DSCC1: variants seen among roughly 807,000 people sequenced by gnomAD.
The protein encoded by DSCC1 is DNA replication and sister chromatid cohesion 1, also known as sister chromatid cohesion protein DCC1.
DSCC1 carries 32 observed loss-of-function variants against 48.2 expected under a neutral mutation model. The ratio of observed to expected loss-of-function variants is 0.66; its 90% CI spans 0.50 to 0.89. The LOEUF (loss-of-function observed/expected upper bound fraction) is 0.89, where lower values mean the gene tolerates loss of function less well. Ranked by LOEUF, DSCC1 falls within the 40% of genes least tolerant of loss-of-function variation. DSCC1 has a pLI of 0.00. For synonymous variants in DSCC1, 150 were observed against 171.5 expected (o/e 0.87, Z 0.98); for missense variants, 421 against 471.7 (o/e 0.89, Z 1.00).
At chr8:119,848,125 G>A (rs541631485) in intron 3 of DSCC1, among the ~76,000 whole-genome samples, 2 of 152,106 alleles carry the variant, frequency 1.3e-5, no homozygotes, top group Admixed American at 6.6e-5. Context: ...GCCAGCCCCA[G>A]CTAATTTTTA....
At chr8:119,849,402 G>A (rs544011178) in intron 3 of DSCC1, among the ~76,000 whole-genome samples, 11 of 152,130 alleles carry the variant, frequency 7.2e-5, no homozygotes, top group Non-Finnish European at 1.2e-4. Flanking sequence ...GCAAAACTCC[G>A]TCTGCAAACA....
chr8:119,839,662 C>T (rs536502834), intron 7 of DSCC1: 1 of 152,308 alleles, frequency 6.6e-6, no homozygotes, highest in Non-Finnish European at 1.5e-5. Context: ...CACTCAGTGG[C>T]CTCAAAGAGC....
rs1423016390 is a variant in DSCC1 at position 119,834,998 on chromosome 8, A to G, written c.1077T>C (p.Asp359=). 1 of 1,572,692 alleles carries G rather than the reference A, an allele frequency of 6.4e-7. No individual in the cohort carries two copies. ...CTATGGTTTGCTTCTCTCCACACAA[A>G]TCTCTGTAGGAACAATAAAAAATAT... The part of the protein sequence containing the change: ...TEEDIAPYIQ[D]LCGEKQTIGA... Residue 359 remains aspartate (D), a synonymous_variant, in exon 9 of 9, where the codon GAT becomes GAC. Coordinates refer to ENST00000313655, the MANE Select transcript of DSCC1 (RefSeq NM_024094.3).
chr8:119,847,159 A>G (rs1490090877), intron 3 of DSCC1, 79 bp from the exon 4 acceptor site: 15 of 1,230,482 alleles, frequency 1.2e-5, no homozygotes. Flanking sequence ...TGAGGAATAA[A>G]TACATAGAAC....
At chr8:119,845,925 G>C (rs1432889473) in intron 4 of DSCC1, among the ~76,000 whole-genome samples, 2 of 152,018 alleles carry the variant, frequency 1.3e-5, no homozygotes, top group East Asian at 3.9e-4. Context: ...CTCCAGCCTG[G>C]GTGACAGAGT....
intron 8 of DSCC1, among the ~76,000 whole-genome samples, chr8:119,837,701 G>A (rs911811108): frequency 6.6e-6 from 1 of 152,190 alleles, no homozygotes; most frequent in Non-Finnish European, 1.5e-5. Context: ...TATGGCAAGA[G>A]GGAGAGAGGG....
chr8:119,850,376 T>C lies in DSCC1; in HGVS notation c.486+6A>G. The C allele has an allele frequency of 1.3e-6, 2 of 1,553,688 alleles. No individual in the cohort carries two copies. Among genetic ancestry groups the C allele is most frequent in the Non-Finnish European group, 1.7e-6 (2 of 1,159,372 alleles). Reference sequence around the variant, plus strand: ...TTCCAAATAAAAAAGTGAAAATAAGTCTTACTTTTGAGCTATTTGAATCCT... The same window carrying C: ...TTCCAAATAAAAAAGTGAAAATAAGCCTTACTTTTGAGCTATTTGAATCCT... On this transcript the variant is annotated splice_donor_region_variant and intron_variant, in intron 3 of 8. Transcript: ENST00000313655.
chr8:119,851,471 C>G (rs1826942800), intron 2 of DSCC1, among the ~76,000 whole-genome samples: 1 of 152,170 alleles, frequency 6.6e-6, no homozygotes, highest in Non-Finnish European at 1.5e-5. Flanking sequence ...CTGGCTACGT[C>G]CAATACACAG....
chr8:119,855,669 A>C lies in DSCC1; in HGVS notation c.127T>G (p.Phe43Val). ...PGASGAAAGD[F>V]CLLELEPTLC... ...GTGGGCTCCAGCTCCAGCAGGCAGAAGTCGCCGGCTGCAGCGCCGCTGGCC... is the reference window on the plus strand; with the variant it reads ...GTGGGCTCCAGCTCCAGCAGGCAGACGTCGCCGGCTGCAGCGCCGCTGGCC... The change falls in exon 1 of 9, where the codon TTC becomes GTC. Residue 43 changes from phenylalanine to valine, a missense_variant. Phe to Val is a conservative substitution (Grantham distance 50). Transcript: ENST00000313655. 6.5e-7 allele frequency: 1 copy of C among 1,550,106 alleles called. No individual in the cohort carries two copies. The highest frequency in any genetic ancestry group is 8.7e-7 in the Non-Finnish European group (1 of 1,147,642).
In DSCC1 at chr8:119,850,410, T is replaced by C; in HGVS notation, c.458A>G (p.Gln153Arg). 1 of 1,593,456 alleles carries C rather than the reference T, an allele frequency of 6.3e-7. No homozygotes were observed. The change falls in exon 3 of 9, where the codon CAA (glutamine) becomes CGA (arginine). Residue 153 changes from glutamine to arginine, a missense_variant. Gln to Arg is a conservative substitution (Grantham distance 43). This residue lies in a region of DSCC1 where 9 missense variants were observed against 28.2 expected (regional missense o/e 0.32). Coordinates refer to ENST00000313655, the MANE Select transcript of DSCC1 (RefSeq NM_024094.3). ...TGAGCTATTTGAATCCTTCTCTTTT[T>C]GACTGTCAGGTCCTTCATATGGATT... ...MENPYEGPDS[Q>R]KEKDSNSSKY... is the part of the protein sequence containing the mutation.
chr8:119,836,468 G>A (rs1030204348), intron 8 of DSCC1, among the ~76,000 whole-genome samples: 2 of 152,018 alleles, frequency 1.3e-5, no homozygotes, highest in African/African-American at 2.4e-5. Context: ...TTCAGAGGCA[G>A]GTACAAGATG....
intron 6 of DSCC1, 53 bp downstream of exon 6, chr8:119,842,723 G>T: frequency 1.3e-6 from 2 of 1,511,800 alleles, no homozygotes; most frequent in Non-Finnish European, 1.8e-6. Flanking sequence ...CTTTAGAAAG[G>T]TATGCCAGTT....
chr8:119,852,993 C>T (rs1826962714), intron 2 of DSCC1, 54 bp downstream of exon 2: 2 of 1,436,264 alleles, frequency 1.4e-6, no homozygotes, highest in Non-Finnish European at 1.9e-6. Flanking sequence ...GATCAAATTA[C>T]CATATCTGTT....
chr8:119,836,099 G>A (rs1347625687), intron 8 of DSCC1, among the ~76,000 whole-genome samples: 8 of 152,184 alleles, frequency 5.3e-5, no homozygotes, highest in Admixed American at 3.9e-4. Context: ...GATCACTTGA[G>A]GTCAGGAGTT....
Position 119,855,874 on chromosome 8 carries a change from C to T in DSCC1, c.-79G>A, listed in dbSNP as rs1000410274. 66 of 1,388,800 alleles carry T rather than the reference C, an allele frequency of 4.8e-5. 1 individual carries two copies. The African/African-American group carries it at 8.5e-4, about 18-fold the overall frequency. The allele number at this position is 1,388,800 out of a possible 1,614,324, so 86.0% of individuals were successfully genotyped here. A position where few individuals can be genotyped will look rare whatever the true frequency, so the allele number is the denominator to read the frequency against. On this transcript the variant is annotated 5_prime_UTR_variant, in exon 1 of 9. Transcript: ENST00000313655. ...GGCAAGAAAGAAGTTCCCAAGCAGC[C>T]GGAAGGTAGGAAACCTGAGCGTTTG...
intron 3 of DSCC1, among the ~76,000 whole-genome samples, chr8:119,848,577 A>G (rs62526619): frequency 0.013 from 1,908 of 152,338 alleles, 22 homozygotes; most frequent in Middle Eastern, 0.054. Flanking sequence ...GAAAGCTTCT[A>G]CAGAGTCACC....
chr8:119,847,478 T>C (rs1292889924), intron 3 of DSCC1, among the ~76,000 whole-genome samples: 2 of 152,112 alleles, frequency 1.3e-5, no homozygotes, highest in Non-Finnish European at 2.9e-5. Context: ...GAAAGTAGAA[T>C]GGTGGCTGCC....
In DSCC1 at chr8:119,843,837, C is replaced by T. The variant is rs1301650035; in HGVS notation, c.578-90G>A. On this transcript the variant is annotated intron_variant, in intron 4 of 8. Transcript: ENST00000313655. ...TGTCACCCAAGCTGGAGTTCAGTGG[C>T]GTGATCTCAGCTCATCGCAACCTCC... is the stretch of plus-strand genomic sequence containing the variant. 13 of 1,360,552 alleles carry T rather than the reference C, an allele frequency of 9.6e-6. No homozygotes were observed. The East Asian group carries it at 1.6e-4, about 17-fold the overall frequency. 84.3% of individuals were successfully genotyped at this position (1,360,552 alleles called of 1,614,324 possible). A position where few individuals can be genotyped will look rare whatever the true frequency, so the allele number is the denominator to read the frequency against.
intron 4 of DSCC1, among the ~76,000 whole-genome samples, chr8:119,846,126 T>C (rs994510440): frequency 1.3e-5 from 2 of 151,220 alleles, no homozygotes; most frequent in Non-Finnish European, 1.5e-5. Flanking sequence ...TTTTTTTTTT[T>C]TTTTTTTGAC....
Sources: allele counts gnomAD v4.1 joint callset (sites outside exome capture counted in the v4.1 genomes callset), GRCh38; gene constraint gnomAD v4.1.1; regional missense constraint gnomAD v4.1.1; transcripts MANE v1.5; gene names NCBI Gene and HGNC (gene_info 2026-07-23, HGNC 2026-07-21).